The following SUCLG2 variants were observed in gnomAD, a reference collection of about 807,000 sequenced individuals.
SUCLG2 encodes the protein succinate--CoA ligase [GDP-forming] subunit beta, mitochondrial.
In SUCLG2, 42 loss-of-function variants were observed where a neutral mutation model predicts 47.9. That is an observed-to-expected ratio of 0.88 (90% CI 0.69 to 1.14). The LOEUF (loss-of-function observed/expected upper bound fraction) is 1.14, where lower values mean the gene tolerates loss of function less well. Among genes scored for constraint, SUCLG2 ranks in the 50% most tolerant of loss-of-function variants. The pLI, the probability that SUCLG2 is intolerant of heterozygous loss-of-function variation, is 0.00. For synonymous variants in SUCLG2, 195 were observed against 197.3 expected, an observed-to-expected ratio of 0.99 and a Z score of 0.10; for missense variants, 571 against 525.9, an observed-to-expected ratio of 1.09 and a Z score of -0.84.
intron 10 of SUCLG2, among the ~76,000 whole-genome samples, chr3:67,398,407 GAC>G (rs1445114635): frequency 6.6e-6 from 1 of 151,384 alleles, no homozygotes; most frequent in African/African-American, 2.4e-5. Flanking sequence ...GAAGCCAAAA[GAC>G]ACATGAAAAA....
At chr3:67,474,524 A>G (rs940284539) in intron 9 of SUCLG2, among the ~76,000 whole-genome samples, 1 of 152,190 alleles carries the variant, frequency 6.6e-6, no homozygotes, top group Non-Finnish European at 1.5e-5. Flanking sequence ...AGAATATGCC[A>G]AGTCTTCCTA....
intron 9 of SUCLG2, among the ~76,000 whole-genome samples, chr3:67,422,747 A>G (rs143452874): frequency 1.3e-5 from 2 of 152,244 alleles, no homozygotes; most frequent in East Asian, 3.9e-4. Context: ...GATAATGCCT[A>G]TAGGGAGGTA....
chr3:67,521,535 G>GTATTTTTTAGTGGAGACGGGGTTTCA (rs1559556611), intron 4 of SUCLG2, among the ~76,000 whole-genome samples: 1 of 152,000 alleles, frequency 6.6e-6, no homozygotes, highest in African/African-American at 2.4e-5. Context: ...TGCAAGCATT[G>GTATTTTTTAGTGGAGACGGGGTTTCA]CAGTAATGGA....
chr3:67,509,547 C>CTCAT (rs1239275810), intron 6 of SUCLG2, among the ~76,000 whole-genome samples: 1 of 152,176 alleles, frequency 6.6e-6, no homozygotes, highest in South Asian at 2.1e-4. Flanking sequence ...TTGAAATTCA[C>CTCAT]TCATTCATTC....
At chr3:67,643,260 G>A (rs771246499) in intron 1 of SUCLG2, among the ~76,000 whole-genome samples, 5 of 152,080 alleles carry the variant, frequency 3.3e-5, no homozygotes, top group African/African-American at 7.2e-5. Context: ...CAACGACTAC[G>A]ACCGCCATCA....
intron 9 of SUCLG2, among the ~76,000 whole-genome samples, chr3:67,471,406 A>G (rs1704602275): frequency 6.6e-6 from 1 of 152,204 alleles, no homozygotes. Flanking sequence ...CAGTTAAGTT[A>G]ATGACATTAG....
chr3:67,447,885 T>C (rs1016060277), intron 9 of SUCLG2, among the ~76,000 whole-genome samples: 7 of 152,120 alleles, frequency 4.6e-5, no homozygotes, highest in African/African-American at 1.7e-4. Flanking sequence ...TGTGCCACCA[T>C]GGCCGGCTAA....
intron 10 of SUCLG2, among the ~76,000 whole-genome samples, chr3:67,365,671 C>A (rs1373094631): frequency 1.3e-5 from 2 of 152,156 alleles, no homozygotes; most frequent in Admixed American, 6.5e-5. Context: ...TTCAGTCTAA[C>A]ATGTGTGACT....
intron 9 of SUCLG2, among the ~76,000 whole-genome samples, chr3:67,437,438 T>C (rs1180673017): frequency 2.0e-5 from 3 of 152,164 alleles, no homozygotes; most frequent in Non-Finnish European, 2.9e-5. Flanking sequence ...AATGATACGA[T>C]AGCTTTTTAA....
intron 2 of SUCLG2, among the ~76,000 whole-genome samples, chr3:67,571,619 T>C (rs921944892): frequency 2.6e-5 from 4 of 152,194 alleles, no homozygotes; most frequent in Non-Finnish European, 5.9e-5. Flanking sequence ...GACCATATAT[T>C]AGAACAAGTT....
At chr3:67,641,080 G>C (rs881948) in intron 1 of SUCLG2, among the ~76,000 whole-genome samples, 44,044 of 152,008 alleles carry the variant, frequency 0.29, 6,992 homozygotes, top group Non-Finnish European at 0.36. Flanking sequence ...ATCTGAACAA[G>C]GCTCTGCATT....
intron 10 of SUCLG2, among the ~76,000 whole-genome samples, chr3:67,398,192 CT>C (rs1172811265): frequency 6.7e-6 from 1 of 150,302 alleles, no homozygotes; most frequent in Non-Finnish European, 1.5e-5. Flanking sequence ...AACTAAAGAG[CT>C]TCTGCGCAGC....
At chr3:67,592,605 T>A (rs887888475) in intron 2 of SUCLG2, among the ~76,000 whole-genome samples, 1 of 149,900 alleles carries the variant, frequency 6.7e-6, no homozygotes, top group Non-Finnish European at 1.5e-5. Context: ...TCAACCAGCA[T>A]CCCCAAATAG....
chr3:67,591,084 A>C (rs1055829731), intron 2 of SUCLG2, among the ~76,000 whole-genome samples: 2 of 152,200 alleles, frequency 1.3e-5, no homozygotes, highest in Admixed American at 1.3e-4. Flanking sequence ...CTGTGCATTT[A>C]TTGATCTCTA....
At chr3:67,595,769 G>A (rs1350762263) in intron 2 of SUCLG2, among the ~76,000 whole-genome samples, 1 of 152,172 alleles carries the variant, frequency 6.6e-6, no homozygotes, top group Non-Finnish European at 1.5e-5. Flanking sequence ...ACTTAACAGT[G>A]TTTATTACAG....
At chr3:67,414,341 A>G (rs1406020521) in intron 9 of SUCLG2, among the ~76,000 whole-genome samples, 1 of 152,252 alleles carries the variant, frequency 6.6e-6, no homozygotes, top group African/African-American at 2.4e-5. Context: ...TTACAGTTCC[A>G]AATGACTGTT....
rs138638660 is a variant in SUCLG2 at position 67,584,269 on chromosome 3, T to C, written c.226+25186A>G. 3.6e-3 allele frequency among the ~76,000 whole-genome samples: 550 copies of C among 152,252 alleles called. 7 individuals are homozygous for C. Among genetic ancestry groups the C allele is most frequent in the African/African-American group, 0.013 (526 of 41,558 alleles). ...ACAATATGAAGTAACCTCAAAAATA[T>C]GATACTAAGTGAAGGAAGCTCGACA... On this transcript the variant is annotated intron_variant, in intron 2 of 10. Transcript: ENST00000307227.
exon 11 of SUCLG2, chr3:67,360,647 G>A: frequency 1.3e-6 from 2 of 1,509,770 alleles, no homozygotes; most frequent in Non-Finnish European, 1.8e-6. Context: ...AAAAAATGCT[G>A]ATGGCACACT....
intron 10 of SUCLG2, among the ~76,000 whole-genome samples, chr3:67,393,494 T>A (rs1702444596): frequency 6.6e-6 from 1 of 152,170 alleles, no homozygotes; most frequent in African/African-American, 2.4e-5. Context: ...GGCCCAGGCT[T>A]GCTTACGTAA....
Sources: gnomAD v4.1 joint callset for allele counts (sites outside exome capture counted in the v4.1 genomes callset) on GRCh38, gnomAD v4.1.1 for gene constraint, MANE v1.5 for transcripts, NCBI Gene and HGNC (gene_info 2026-07-23, HGNC 2026-07-21) for gene names.